The following SYN2 variants were observed in gnomAD, a reference collection of about 807,000 sequenced individuals.
SYN2 encodes synapsin-2.
In SYN2, 19 loss-of-function variants were observed where a neutral mutation model predicts 50.9. The ratio of observed to expected loss-of-function variants is 0.37; its 90% confidence interval spans 0.26 to 0.55. The LOEUF (loss-of-function observed/expected upper bound fraction) is 0.55. SYN2 is among the 20% of genes least tolerant of loss of function. The probability of loss-of-function intolerance (pLI) is 0.81; values close to 1 mark genes in which losing one functional copy is unlikely to be tolerated. For missense variants in SYN2, 587 were observed against 576.4 expected (o/e 1.02, Z -0.19); for synonymous variants, 255 against 224.9 (o/e 1.13, Z -1.20).
chr3:12,070,989 C>A, intron 1 of SYN2: 1 of 549,206 alleles, frequency 1.8e-6, no homozygotes, highest in South Asian at 1.5e-5. Flanking sequence ...TCACCATTGG[C>A]AACAAGTGGT....
intron 12 of SYN2, among the ~76,000 whole-genome samples, chr3:12,188,992 G>GGAGT (rs1398037180): frequency 7.9e-5 from 12 of 152,218 alleles, no homozygotes; most frequent in African/African-American, 2.7e-4. Context: ...TGCGGGCTGA[G>GGAGT]GAGTGCCCCC....
chr3:12,157,055 G>A lies in SYN2; in HGVS notation c.775-4491G>A, dbSNP rs1415349865. 9 of 710,002 alleles carry A rather than the reference G, an allele frequency of 1.3e-5. No individual in the cohort carries two copies. The East Asian group carries it at 1.4e-4, about 11-fold the overall frequency. 44.0% of individuals were successfully genotyped at this position (710,002 alleles called of 1,614,324 possible). The stretch of plus-strand genomic sequence containing the variant: ...AAGCAAAAGTCTAGTTGAGGATTTT[G>A]TGTCCTCAGATGTCCCTACTGGGTT... On this transcript the variant is annotated intron_variant, in intron 5 of 12. Coordinates refer to ENST00000621198, the MANE Select transcript of SYN2 (RefSeq NM_133625.6).
chr3:12,104,203 G>A (rs1470484707), intron 1 of SYN2, among the ~76,000 whole-genome samples: 2 of 152,110 alleles, frequency 1.3e-5, no homozygotes, highest in African/African-American at 2.4e-5. Flanking sequence ...CATGATCATA[G>A]ATCACTGCAG....
At chr3:12,110,396 C>T (rs1696285625) in intron 1 of SYN2, among the ~76,000 whole-genome samples, 1 of 152,150 alleles carries the variant, frequency 6.6e-6, no homozygotes, top group African/African-American at 2.4e-5. Flanking sequence ...TTTCCGGGCA[C>T]TTGGTGCAAG....
chr3:12,012,356 T>C (rs573367682), intron 1 of SYN2, among the ~76,000 whole-genome samples: 1 of 152,302 alleles, frequency 6.6e-6, no homozygotes, highest in South Asian at 2.1e-4. Flanking sequence ...CAGAAGGCCT[T>C]TAAAAGGTAG....
chr3:12,170,369 C>T (rs908207681), intron 10 of SYN2, among the ~76,000 whole-genome samples: 2 of 152,190 alleles, frequency 1.3e-5, no homozygotes, highest in African/African-American at 4.8e-5. Context: ...AGAGTCAGGT[C>T]CCTCATTCTG....
chr3:12,111,488 A>G (rs1451261630), intron 1 of SYN2, among the ~76,000 whole-genome samples: 1 of 152,204 alleles, frequency 6.6e-6, no homozygotes, highest in Non-Finnish European at 1.5e-5. Flanking sequence ...TTTCATCATC[A>G]GGATTATCAT....
intron 1 of SYN2, among the ~76,000 whole-genome samples, chr3:12,057,332 T>C: frequency 6.6e-6 from 1 of 151,436 alleles, no homozygotes; most frequent in East Asian, 1.9e-4. Context: ...TGTATACTTT[T>C]TGACATCTTT....
At chr3:12,072,498 T>G (rs2125169291) in intron 1 of SYN2, among the ~76,000 whole-genome samples, 1 of 152,332 alleles carries the variant, frequency 6.6e-6, no homozygotes, top group South Asian at 2.1e-4. Flanking sequence ...TTAATTTCTG[T>G]ATGTAGTATG....
At chr3:12,131,805 G>A (rs1696801282) in intron 1 of SYN2, among the ~76,000 whole-genome samples, 1 of 152,058 alleles carries the variant, frequency 6.6e-6, no homozygotes, top group African/African-American at 2.4e-5. Context: ...ACAGAAATTA[G>A]TTATTTTCAG....
In SYN2 at chr3:12,004,797, C is replaced by T. The variant is rs71624923; in HGVS notation, c.246C>T (p.Phe82=). The T allele has an allele frequency of 7.6e-6, 3 of 393,032 alleles. No individual in the cohort carries two copies. The highest frequency in any genetic ancestry group is 4.3e-5 in the African/African-American group (2 of 45,992). The allele number at this position is 393,032 out of a possible 1,614,324, so 24.3% of individuals were successfully genotyped here. A position where few individuals can be genotyped will look rare whatever the true frequency, so the allele number is the denominator to read the frequency against. Residue 82 remains phenylalanine, a synonymous_variant, in exon 1 of 13, where the codon TTC becomes TTT. Coordinates refer to ENST00000621198, the MANE Select transcript of SYN2 (RefSeq NM_133625.6). The part of the protein sequence containing the change: ...PAPTPSVGSS[F]FSSLSQAVKQ... ...CGACGCCGTCGGTGGGCAGCAGCTT[C>T]TTCAGCTCGCTGTCCCAAGCCGTGA...
At chr3:12,151,069 C>T (rs1327762722) in intron 4 of SYN2, among the ~76,000 whole-genome samples, 168 bp from the exon 5 acceptor site, 3 of 152,182 alleles carry the variant, frequency 2.0e-5, no homozygotes, top group Admixed American at 2.0e-4. Flanking sequence ...CCAACTAATG[C>T]GTATCATATC....
At chr3:12,178,200 T>C (rs1294428127) in intron 10 of SYN2, among the ~76,000 whole-genome samples, 1 of 152,158 alleles carries the variant, frequency 6.6e-6, no homozygotes, top group Non-Finnish European at 1.5e-5. Flanking sequence ...GCAAGGAGCT[T>C]GGCCTGGCCT....
intron 1 of SYN2, among the ~76,000 whole-genome samples, chr3:12,076,679 G>A (rs1695474532): frequency 6.6e-6 from 1 of 151,988 alleles, no homozygotes; most frequent in Non-Finnish European, 1.5e-5. Flanking sequence ...AATTCTGTTA[G>A]GTAAGTATTA....
intron 1 of SYN2, among the ~76,000 whole-genome samples, chr3:12,059,132 G>A (rs1273031156): frequency 6.6e-6 from 1 of 152,170 alleles, no homozygotes; most frequent in Admixed American, 6.5e-5. Context: ...AAAGGAAAAC[G>A]TTAATTTGCA....
In SYN2 at chr3:12,190,914, T is replaced by A. The variant is rs1422370399; in HGVS notation, c.*289T>A. ...ATCGTTCGCTGTGAGTTTAGTGGCCTTATTGTGACAGTGCCATCATGTCTT... is the reference window on the plus strand; with the variant it reads ...ATCGTTCGCTGTGAGTTTAGTGGCCATATTGTGACAGTGCCATCATGTCTT... On this transcript the variant is annotated 3_prime_UTR_variant, in exon 13 of 13. Coordinates refer to ENST00000621198, the MANE Select transcript of SYN2 (RefSeq NM_133625.6). 2.6e-6 allele frequency: 3 copies of A among 1,154,630 alleles called. No homozygotes were observed. In the African/African-American group the frequency reaches 4.9e-5, roughly 19 times the overall value. 71.5% of individuals were successfully genotyped at this position (1,154,630 alleles called of 1,614,324 possible). A position where few individuals can be genotyped will look rare whatever the true frequency, so the allele number is the denominator to read the frequency against.
chr3:12,020,565 G>A (rs1448622363), intron 1 of SYN2, among the ~76,000 whole-genome samples: 1 of 152,052 alleles, frequency 6.6e-6, no homozygotes, highest in African/African-American at 2.4e-5. Context: ...CAGACCCTTA[G>A]GAGAAAGATC....
intron 1 of SYN2, among the ~76,000 whole-genome samples, chr3:12,139,931 GATTA>G (rs1156861672): frequency 2.0e-5 from 3 of 152,098 alleles, no homozygotes; most frequent in Non-Finnish European, 4.4e-5. Context: ...TATTACAGGG[GATTA>G]ATTAATGCAT....
At chr3:12,011,223 A>C (rs307565) in intron 1 of SYN2, among the ~76,000 whole-genome samples, 29,557 of 152,222 alleles carry the variant, frequency 0.19, 5,463 homozygotes, top group African/African-American at 0.49. Flanking sequence ...GAATTGTGGA[A>C]AATCTTTTGC....
Sources: gnomAD v4.1 joint callset for allele counts (sites outside exome capture counted in the v4.1 genomes callset) on GRCh38, gnomAD v4.1.1 for gene constraint, MANE v1.5 for transcripts, NCBI Gene and HGNC (gene_info 2026-07-23, HGNC 2026-07-21) for gene names.